Variants in ADAMTS3 observed in about 807,000 individuals in gnomAD.
ADAMTS3 encodes the protein A disintegrin and metalloproteinase with thrombospondin motifs 3.
A neutral mutation model predicts 129.0 loss-of-function variants in ADAMTS3; 73 were observed. That is an observed-to-expected ratio of 0.57 (90% confidence interval 0.47 to 0.69). ADAMTS3 has a LOEUF of 0.69. Among genes scored for constraint, ADAMTS3 ranks in the 30% least tolerant of loss-of-function variants. The pLI, the probability that ADAMTS3 is intolerant of heterozygous loss-of-function variation, is 0.00. For synonymous variants in ADAMTS3, 477 were observed against 510.8 expected, an observed-to-expected ratio of 0.93 and a Z score of 0.89; for missense variants, 1,457 against 1,514.5, an observed-to-expected ratio of 0.96 and a Z score of 0.63.
At chr4:72,377,359 T>A (rs1231709124) in intron 4 of ADAMTS3, among the ~76,000 whole-genome samples, 1 of 152,170 alleles carries the variant, frequency 6.6e-6, no homozygotes, top group African/African-American at 2.4e-5. Flanking sequence ...TTAGTCCGTG[T>A]AAATGAATAT....
intron 3 of ADAMTS3, among the ~76,000 whole-genome samples, chr4:72,516,867 C>A (rs577004035): frequency 1.3e-5 from 2 of 152,158 alleles, no homozygotes; most frequent in South Asian, 2.1e-4. Flanking sequence ...GAACTTCCAA[C>A]ACTCTGTTGA....
chr4:72,458,692 C>A (rs573986888), intron 3 of ADAMTS3, among the ~76,000 whole-genome samples: 1 of 151,340 alleles, frequency 6.6e-6, no homozygotes, highest in East Asian at 2.0e-4. Flanking sequence ...CACTCCCAAC[C>A]TATGATTCCC....
chr4:72,440,531 CT>C (rs1718085147), intron 3 of ADAMTS3, among the ~76,000 whole-genome samples: 2 of 151,790 alleles, frequency 1.3e-5, no homozygotes, highest in Admixed American at 1.3e-4. Context: ...CCCAAAACCA[CT>C]TCATCTCTTG....
intron 4 of ADAMTS3, among the ~76,000 whole-genome samples, chr4:72,367,783 G>A (rs1291236378): frequency 2.0e-5 from 3 of 151,678 alleles, no homozygotes; most frequent in Non-Finnish European, 4.4e-5. Flanking sequence ...CCGGGAGGCG[G>A]AGCTTGCAGT....
At chr4:72,295,887 T>G in intron 18 of ADAMTS3, 101 bp from the exon 19 acceptor site, 5 of 1,426,982 alleles carry the variant, frequency 3.5e-6, no homozygotes, top group Non-Finnish European at 3.8e-6. Context: ...ATCCATTCAA[T>G]AAATATGTAT....
intron 2 of ADAMTS3, among the ~76,000 whole-genome samples, chr4:72,558,411 T>C (rs1721819747): frequency 1.3e-5 from 2 of 151,612 alleles, no homozygotes; most frequent in Non-Finnish European, 2.9e-5. Flanking sequence ...GGGGACTAAG[T>C]CCTCCTGCTA....
chr4:72,346,076 T>C (rs1322322018), intron 4 of ADAMTS3, among the ~76,000 whole-genome samples: 1 of 152,162 alleles, frequency 6.6e-6, no homozygotes, highest in African/African-American at 2.4e-5. Flanking sequence ...ATTCTTGGTG[T>C]ACAAACTTTG....
Position 72,323,045 on chromosome 4 carries a change from A to G in ADAMTS3, c.914T>C (p.Leu305Pro). Residue 305 changes from leucine (L) to proline (P), a missense_variant, in exon 6 of 22, where the codon CTG (leucine) becomes CCG (proline). Leu to Pro is a moderately conservative substitution (Grantham distance 98). Transcript: ENST00000286657. ...ATATCCCAGCATTATCATGCGCACCAGGACCACATTTATATGCACTCCGAG... is the reference window on the plus strand; with the variant it reads ...ATATCCCAGCATTATCATGCGCACCGGGACCACATTTATATGCACTCCGAG... ...ESLGVHINVVLVRMIMLGYAK... is the reference protein window; with the variant it reads ...ESLGVHINVVPVRMIMLGYAK... 3 of 1,613,686 alleles carry G rather than the reference A, an allele frequency of 1.9e-6. No homozygotes were observed. The highest frequency in any genetic ancestry group is 2.5e-6 in the Non-Finnish European group (3 of 1,179,730).
chr4:72,309,517 C>T lies in ADAMTS3; in HGVS notation c.2059G>A (p.Val687Met). Reference sequence around the variant, plus strand: ...GAACCAATTTCTTTATCACAGCCCACTTTCTGGAGAGAGAAGATGTCAAAT... The same window carrying T: ...GAACCAATTTCTTTATCACAGCCCATTTTCTGGAGAGAGAAGATGTCAAAT... ...SICVRGECVK[V>M]GCDKEIGSNK... The change falls in exon 15 of 22, where the codon GTG (valine) becomes ATG (methionine). Residue 687 changes from valine (V) to methionine (M), a missense_variant. Coordinates refer to ENST00000286657, the MANE Select transcript of ADAMTS3 (RefSeq NM_014243.3). 6.2e-7 allele frequency: 1 copy of T among 1,611,336 alleles called. No individual in the cohort carries two copies.
chr4:72,395,709 C>A (rs1240522950), intron 4 of ADAMTS3, among the ~76,000 whole-genome samples: 1 of 152,142 alleles, frequency 6.6e-6, no homozygotes, highest in African/African-American at 2.4e-5. Flanking sequence ...GAAAAAGAAT[C>A]TCTATAGTTC....
At chr4:72,332,256 A>C (rs1266647681) in intron 5 of ADAMTS3, among the ~76,000 whole-genome samples, 4 of 152,230 alleles carry the variant, frequency 2.6e-5, no homozygotes, top group African/African-American at 9.6e-5. Context: ...CAGTGTATTG[A>C]TATAACCATC....
At chr4:72,408,094 A>G (rs1359227111) in intron 4 of ADAMTS3, among the ~76,000 whole-genome samples, 1 of 152,208 alleles carries the variant, frequency 6.6e-6, no homozygotes, top group Non-Finnish European at 1.5e-5. Context: ...TTACAAAATT[A>G]TGCATTAAAG....
chr4:72,514,144 T>C (rs1172779849), intron 3 of ADAMTS3, among the ~76,000 whole-genome samples: 1 of 152,154 alleles, frequency 6.6e-6, no homozygotes, highest in African/African-American at 2.4e-5. Flanking sequence ...GTTATTTCTA[T>C]AATCACTATG....
At chr4:72,415,461 A>G (rs1722280794) in intron 3 of ADAMTS3, among the ~76,000 whole-genome samples, 1 of 152,066 alleles carries the variant, frequency 6.6e-6, no homozygotes, top group Non-Finnish European at 1.5e-5. Context: ...TGCTACCTTC[A>G]GTATGTAAAG....
intron 3 of ADAMTS3, among the ~76,000 whole-genome samples, chr4:72,513,529 G>C: frequency 6.6e-6 from 1 of 152,096 alleles, no homozygotes; most frequent in African/African-American, 2.4e-5. Flanking sequence ...CTGATCAGAA[G>C]ACTCTTGTTT....
At position 72,323,047 on chromosome 4, in the gene ADAMTS3, G is replaced by T. The variant is rs779714245; in HGVS notation, c.912C>A (p.Val304=). The T allele has an allele frequency of 6.2e-7, 1 of 1,613,404 alleles. No homozygotes were observed. Among genetic ancestry groups the T allele is most frequent in the South Asian group, 1.1e-5 (1 of 91,044 alleles). Residue 304 remains valine, a synonymous_variant, in exon 6 of 22, where the codon GTC becomes GTA. Coordinates refer to ENST00000286657, the MANE Select transcript of ADAMTS3 (RefSeq NM_014243.3). ...ATCCCAGCATTATCATGCGCACCAG[G>T]ACCACATTTATATGCACTCCGAGGG... The part of the protein sequence containing the change: ...DESLGVHINV[V]LVRMIMLGYA...
At position 72,288,282 on chromosome 4, in the gene ADAMTS3, T is replaced by A. The variant is rs1467296932; in HGVS notation, c.3049+469A>T. ...TGAATTTTATCCTATGTGCAAGGTG[T>A]CTGTTTGAAGTTACTCTATGGACAG... On this transcript the variant is annotated intron_variant, in intron 21 of 21. Transcript: ENST00000286657. Among the ~76,000 whole-genome samples, 3 of 152,202 alleles carry A rather than the reference T, an allele frequency of 2.0e-5. No individual in the cohort carries two copies. The South Asian group carries it at 6.2e-4, about 31-fold the overall frequency.
chr4:72,344,784 C>T (rs1321046892), intron 4 of ADAMTS3, among the ~76,000 whole-genome samples: 3 of 152,056 alleles, frequency 2.0e-5, no homozygotes, highest in African/African-American at 4.8e-5. Flanking sequence ...GATAAAGGGA[C>T]ATGCTGAATA....
intron 4 of ADAMTS3, among the ~76,000 whole-genome samples, chr4:72,386,404 T>A (rs1219541388): frequency 2.6e-5 from 4 of 151,724 alleles, no homozygotes; most frequent in Admixed American, 1.3e-4. Context: ...TAGCCAAAAA[T>A]ATTGGCAAAC....
Sources: allele counts gnomAD v4.1 joint callset (sites outside exome capture counted in the v4.1 genomes callset), GRCh38; gene constraint gnomAD v4.1.1; transcripts MANE v1.5; gene names NCBI Gene and HGNC (gene_info 2026-07-23, HGNC 2026-07-21).